SCLT1: variants seen among roughly 807,000 people sequenced by gnomAD.
SCLT1 encodes the protein sodium channel-associated protein 1.
In SCLT1, 78 loss-of-function variants were observed where a neutral mutation model predicts 112.8. The observed-to-expected ratio is 0.69, with a 90% CI of 0.58 to 0.83. The LOEUF (loss-of-function observed/expected upper bound fraction) is 0.83, where lower values mean the gene tolerates loss of function less well. SCLT1 is among the 40% of genes least tolerant of loss of function. SCLT1 has a pLI of 0.00. For synonymous variants in SCLT1, 257 were observed against 254.7 expected (o/e 1.01, Z -0.09); for missense variants, 747 against 770.4 (o/e 0.97, Z 0.36).
chr4:129,077,535 GAA>G (rs1373913521), intron 2 of SCLT1, among the ~76,000 whole-genome samples: 1 of 152,110 alleles, frequency 6.6e-6, no homozygotes, highest in Admixed American at 6.6e-5. Flanking sequence ...AGGAGGGAAG[GAA>G]AAAGAGGAAG....
At position 129,018,819 on chromosome 4, in the gene SCLT1, G is replaced by T. The variant is rs537376158; in HGVS notation, c.291-14943C>A. On this transcript the variant is annotated intron_variant, in intron 5 of 20. Transcript: ENST00000281142. ...AACAGACCAACTACTAAGTTAGAAG[G>T]TAAGGGAGCTTCTATTATATGTTAT... 2.6e-3 allele frequency among the ~76,000 whole-genome samples: 392 copies of T among 152,176 alleles called. 3 individuals carry two copies. Among genetic ancestry groups the T allele is most frequent in the African/African-American group, 9.2e-3 (384 of 41,532 alleles).
At chr4:129,025,249 A>G (rs1745932723) in intron 5 of SCLT1, among the ~76,000 whole-genome samples, 1 of 152,242 alleles carries the variant, frequency 6.6e-6, no homozygotes, top group Non-Finnish European at 1.5e-5. Flanking sequence ...CATAATTGTC[A>G]GATTCACCAA....
intron 2 of SCLT1, among the ~76,000 whole-genome samples, chr4:129,067,750 G>A (rs563870433): frequency 2.6e-5 from 4 of 152,074 alleles, no homozygotes; most frequent in Non-Finnish European, 4.4e-5. Context: ...GACCTCAAGC[G>A]ATCCACCTGC....
At chr4:128,945,948 G>A in intron 16 of SCLT1, 59 bp downstream of exon 16, 1 of 1,250,160 alleles carries the variant, frequency 8.0e-7, no homozygotes, top group East Asian at 2.4e-5. Context: ...TAGCGAATCT[G>A]TCAAAAATTG....
At chr4:128,980,742 T>C (rs957727756) in intron 9 of SCLT1, among the ~76,000 whole-genome samples, 2 of 152,234 alleles carry the variant, frequency 1.3e-5, no homozygotes, top group African/African-American at 4.8e-5. Flanking sequence ...AAAAATCTTT[T>C]TAATTCATTG....
chr4:128,926,804 A>G (rs1321035672), intron 18 of SCLT1, among the ~76,000 whole-genome samples: 1 of 152,066 alleles, frequency 6.6e-6, no homozygotes, highest in East Asian at 1.9e-4. Flanking sequence ...CAACAATAAT[A>G]TATAAGCTGG....
chr4:128,910,921 G>GA (rs1735045763), intron 18 of SCLT1, among the ~76,000 whole-genome samples: 1 of 151,868 alleles, frequency 6.6e-6, no homozygotes, highest in Non-Finnish European at 1.5e-5. Flanking sequence ...ATCTGGTAGG[G>GA]AAAATCTCAT....
intron 18 of SCLT1, among the ~76,000 whole-genome samples, chr4:128,921,772 C>T (rs1032402338): frequency 6.6e-6 from 1 of 152,028 alleles, no homozygotes; most frequent in African/African-American, 2.4e-5. Flanking sequence ...AGACCAATTG[C>T]AACAAAAATA....
At chr4:128,942,354 T>A (rs2125988616) in intron 17 of SCLT1, among the ~76,000 whole-genome samples, 1 of 144,764 alleles carries the variant, frequency 6.9e-6, no homozygotes, top group South Asian at 2.3e-4. Context: ...TAGATATTTA[T>A]CATAAAAAGT....
chr4:128,906,357 C>T (rs1264917432), intron 18 of SCLT1, among the ~76,000 whole-genome samples: 1 of 152,110 alleles, frequency 6.6e-6, no homozygotes, highest in Non-Finnish European at 1.5e-5. Context: ...ACCACCACAC[C>T]TGGCTAATTT....
chr4:128,995,635 C>A (rs187348172), intron 8 of SCLT1, among the ~76,000 whole-genome samples: 21 of 152,268 alleles, frequency 1.4e-4, no homozygotes, highest in African/African-American at 5.1e-4. Flanking sequence ...TCTACCAACT[C>A]TTTCCCTCCC....
chr4:128,873,852 G>A (rs1056104433), intron 5 of SCLT1: 1 of 152,612 alleles, frequency 6.6e-6, no homozygotes, highest in African/African-American at 2.4e-5. Flanking sequence ...TCTTCCAGAT[G>A]ATTGTCAACA....
intron 5 of SCLT1, among the ~76,000 whole-genome samples, chr4:129,028,187 A>G (rs1168630040): frequency 2.0e-5 from 3 of 152,202 alleles, no homozygotes; most frequent in Admixed American, 2.0e-4. Context: ...TTGAAATTTC[A>G]TATGGAACCA....
intron 2 of SCLT1, among the ~76,000 whole-genome samples, chr4:129,060,482 G>A (rs1749861690): frequency 6.6e-6 from 1 of 152,128 alleles, no homozygotes; most frequent in African/African-American, 2.4e-5. Flanking sequence ...TTTTCATAGA[G>A]AAATACTTTC....
At chr4:128,950,703 G>A (rs1359039073) in intron 14 of SCLT1, among the ~76,000 whole-genome samples, 1 of 151,802 alleles carries the variant, frequency 6.6e-6, no homozygotes, top group Non-Finnish European at 1.5e-5. Context: ...AAAAGACAGT[G>A]TAAATCCTCA....
At chr4:128,908,862 T>C (rs149783401) in intron 18 of SCLT1, among the ~76,000 whole-genome samples, 1 of 152,300 alleles carries the variant, frequency 6.6e-6, no homozygotes, top group Non-Finnish European at 1.5e-5. Flanking sequence ...AAAGAAGGCG[T>C]ACACTCTAGT....
chr4:129,013,998 T>G (rs1744774768), intron 5 of SCLT1, among the ~76,000 whole-genome samples: 1 of 152,220 alleles, frequency 6.6e-6, no homozygotes, highest in Admixed American at 6.5e-5. Flanking sequence ...GGAGGTTTTG[T>G]TCACTCCTTT....
intron 6 of SCLT1, among the ~76,000 whole-genome samples, chr4:129,002,842 T>A (rs1743635800): frequency 6.6e-6 from 1 of 152,182 alleles, no homozygotes; most frequent in Non-Finnish European, 1.5e-5. Context: ...GGTGGGAGTG[T>A]AAATTAGCTC....
intron 18 of SCLT1, among the ~76,000 whole-genome samples, chr4:128,904,534 C>A (rs948617116): frequency 5.9e-5 from 9 of 152,168 alleles, no homozygotes; most frequent in African/African-American, 2.2e-4. Flanking sequence ...ATCTTTCAGC[C>A]CTTCCCTCTC....
Sources: allele counts gnomAD v4.1 joint callset (sites outside exome capture counted in the v4.1 genomes callset), GRCh38; gene constraint gnomAD v4.1.1; transcripts MANE v1.5; gene names NCBI Gene and HGNC (gene_info 2026-07-23, HGNC 2026-07-21).